The following TULP1 variants were observed in gnomAD, a reference collection of about 807,000 sequenced individuals.
TULP1 encodes the protein TUB like protein 1.
In TULP1, 50 loss-of-function variants were observed where a neutral mutation model predicts 67.1. That is an observed-to-expected ratio of 0.75 (90% CI 0.59 to 0.94). The LOEUF (loss-of-function observed/expected upper bound fraction) is 0.94. Among genes scored for constraint, TULP1 ranks in the 40% least tolerant of loss-of-function variants. TULP1 has a pLI of 0.00. For synonymous variants in TULP1, 297 were observed against 294.0 expected, an observed-to-expected ratio of 1.01 and a Z score of -0.11; for missense variants, 746 against 734.1, an observed-to-expected ratio of 1.02 and a Z score of -0.19.
rs766950334 is a variant in TULP1 at position 35,510,882 on chromosome 6, C to T, written c.478G>A (p.Ala160Thr). The change falls in exon 5 of 15, where the codon GCC (alanine) becomes ACC (threonine). Residue 160 changes from alanine (A) to threonine (T), a missense_variant. By Grantham distance (58) the Ala-to-Thr change is moderately conservative. This residue lies in a region of TULP1 where 359 missense variants were observed against 341.9 expected (regional missense o/e 1.05). Coordinates refer to ENST00000229771, the MANE Select transcript of TULP1 (RefSeq NM_003322.6). ...KSSADLKERR[A>T]KAQGPRGDLG... Reference sequence around the variant, plus strand: ...CCACCCCTTGGGCCCTGGGCCTTGGCCCTCCTCTCCTTCAGGTCTGCGGAG... The same window carrying T: ...CCACCCCTTGGGCCCTGGGCCTTGGTCCTCCTCTCCTTCAGGTCTGCGGAG... The T allele has an allele frequency of 3.7e-6, 6 of 1,613,854 alleles. No individual in the cohort carries two copies. In the African/African-American group the frequency reaches 5.3e-5, roughly 14 times the overall value.
rs1561812394 is a variant in TULP1 at position 35,500,121 on chromosome 6, T to C, written c.1355A>G (p.Asn452Ser). Reference sequence around the variant, plus strand: ...TTCTATGAGGCTCTCCAGCGTCTTGTTCTGCCAGCGCACCAGCAGGCCGTC... The same window carrying C: ...TTCTATGAGGCTCTCCAGCGTCTTGCTCTGCCAGCGCACCAGCAGGCCGTC... Reference protein sequence around the residue: ...ASDGLLVRWQNKTLESLIELH... With the variant: ...ASDGLLVRWQSKTLESLIELH... The change falls in exon 14 of 15, where the codon AAC becomes AGC. Residue 452 changes from asparagine (N) to serine (S), a missense_variant. Physicochemically the swap from Asn to Ser is conservative, Grantham distance 46 (BLOSUM62 1). Around this residue, in one of 3 missense-constraint regions of TULP1, gnomAD observed 383 missense variants for 374.1 expected, o/e 1.02. Coordinates refer to ENST00000229771, the MANE Select transcript of TULP1 (RefSeq NM_003322.6). 1 of 1,614,128 alleles carries C rather than the reference T, an allele frequency of 6.2e-7. No homozygotes were observed.
At chr6:35,512,111 C>T in intron 3 of TULP1, 69 bp downstream of exon 3, 5 of 1,029,120 alleles carry the variant, frequency 4.9e-6, no homozygotes, top group Admixed American at 7.1e-5. Flanking sequence ...ACACCCGCGC[C>T]GGCCCTCAAG....
chr6:35,498,574 T>A lies in TULP1; in HGVS notation c.1496-114A>T. On this transcript the variant is annotated intron_variant, in intron 14 of 14. Coordinates refer to ENST00000229771, the MANE Select transcript of TULP1 (RefSeq NM_003322.6). This position sits in a 1 kb window ranked among gnomAD's most constrained non-coding sequence, Gnocchi z 6.7. ...GTCCCTTGCCTTGGGGCTCCAACCC[T>A]CAGCCACCATCTCAGTTACTCAACA... 1 of 1,482,154 alleles carries A rather than the reference T, an allele frequency of 6.7e-7. No individual in the cohort carries two copies. The highest frequency in any genetic ancestry group is 1.2e-5 in the South Asian group (1 of 82,756). The allele number at this position is 1,482,154 out of a possible 1,614,324, so 91.8% of individuals were successfully genotyped here.
At chr6:35,499,846 T>G in intron 14 of TULP1, 135 bp downstream of exon 14, 1 of 1,102,722 alleles carries the variant, frequency 9.1e-7, no homozygotes, top group Non-Finnish European at 1.4e-6. Context: ...GAGGAGAGAG[T>G]GACCCTGTGG....
At chr6:35,511,843 C>T in intron 3 of TULP1, 37 bp from the exon 4 acceptor site, 2 of 1,492,632 alleles carry the variant, frequency 1.3e-6, no homozygotes, top group Non-Finnish European at 1.8e-6. Flanking sequence ...GGGTCCCATC[C>T]GCGGGTCCGC....
chr6:35,502,861 C>T lies in TULP1; in HGVS notation c.1323+698G>A, dbSNP rs1038875778. On this transcript the variant is annotated intron_variant, in intron 13 of 14. Transcript: ENST00000229771. Reference sequence around the variant, plus strand: ...TGCTCCATAATTTACTTATTTATCACGATTATTGTCTACTGTCACTCTCCT... The same window carrying T: ...TGCTCCATAATTTACTTATTTATCATGATTATTGTCTACTGTCACTCTCCT... Among the ~76,000 whole-genome samples, 3 of 152,094 alleles carry T rather than the reference C, an allele frequency of 2.0e-5. No homozygotes were observed. The East Asian group carries it at 5.8e-4, about 29-fold the overall frequency.
At chr6:35,511,529 A>G in intron 4 of TULP1, 119 bp downstream of exon 4, 2 of 1,475,866 alleles carry the variant, frequency 1.4e-6, no homozygotes, top group Non-Finnish European at 9.2e-7. Context: ...AAGGCCAGAA[A>G]AGTGGGGGCT....
intron 14 of TULP1, among the ~76,000 whole-genome samples, chr6:35,499,536 T>C (rs1768782414): frequency 6.6e-6 from 1 of 152,188 alleles, no homozygotes; most frequent in Non-Finnish European, 1.5e-5. Context: ...GTAAACACTG[T>C]GTAAGTTTTG....
At position 35,503,571 on chromosome 6, in the gene TULP1, G is replaced by A. The variant is rs1264118354; in HGVS notation, c.1311C>T (p.Ile437=). The change falls in exon 13 of 15, where the codon ATC becomes ATT. Residue 437 remains isoleucine, a synonymous_variant. Transcript: ENST00000229771. The surrounding 1 kb of genome is among the most constrained non-coding windows in gnomAD (Gnocchi z 4.0). The part of the protein sequence containing the change: ...GMSAENERVP[I]RPRNASDGLL... The stretch of plus-strand genomic sequence containing the variant: ...GTGCGGGGCTCACATTTCGGGGCCG[G>A]ATGGGGACCCTCTCGTTCTCCGCAC... The A allele has an allele frequency of 6.3e-7, 1 of 1,576,532 alleles. No individual in the cohort carries two copies. Among genetic ancestry groups the A allele is most frequent in the Non-Finnish European group, 8.6e-7 (1 of 1,161,180 alleles).
chr6:35,498,130 A>G lies in TULP1; in HGVS notation c.*197T>C. On this transcript the variant is annotated 3_prime_UTR_variant, in exon 15 of 15. Coordinates refer to ENST00000229771, the MANE Select transcript of TULP1 (RefSeq NM_003322.6). This position sits in a 1 kb window ranked among gnomAD's most constrained non-coding sequence, Gnocchi z 6.7. ...TCCAGATGTTCTTCATCTCCGTCCT[A>G]CCCGCCGTCCGGGCTCCTCCTGCCT... 1 of 857,018 alleles carries G rather than the reference A, an allele frequency of 1.2e-6. No individual in the cohort carries two copies. Among genetic ancestry groups the G allele is most frequent in the Non-Finnish European group, 1.8e-6 (1 of 570,020 alleles). The allele number at this position is 857,018 out of a possible 1,614,324, so 53.1% of individuals were successfully genotyped here.
chr6:35,510,015 C>T (rs1761165174), intron 5 of TULP1, 87 bp from the exon 6 acceptor site: 1 of 1,305,378 alleles, frequency 7.7e-7, no homozygotes, highest in Non-Finnish European at 1.1e-6. Flanking sequence ...GCCTATAGTC[C>T]CCAGGGAGGC....
intron 8 of TULP1, among the ~76,000 whole-genome samples, chr6:35,506,708 T>A (rs1463957611): frequency 6.6e-6 from 1 of 152,166 alleles, no homozygotes; most frequent in Non-Finnish European, 1.5e-5. Flanking sequence ...CCCCATTGTA[T>A]AGATGAAGAA....
intron 5 of TULP1, 131 bp from the exon 6 acceptor site, chr6:35,510,059 T>C: frequency 1.3e-6 from 1 of 783,756 alleles, no homozygotes; most frequent in Non-Finnish European, 2.0e-6. Flanking sequence ...GCCTGCCTTC[T>C]TTTTCTTTTT....
In TULP1 at chr6:35,511,806, G is replaced by A. The variant is rs1286215025; in HGVS notation, c.191C>T (p.Ala64Val). ...PTGSKPRKPG[A>V]GRTGRPREEP... Reference sequence around the variant, plus strand: ...CTCCCGCGGCCTCCCCGTCCGCCCAGCTGAGCCGAGATGCGGGGTTCAGAC... The same window carrying A: ...CTCCCGCGGCCTCCCCGTCCGCCCAACTGAGCCGAGATGCGGGGTTCAGAC... The change falls in exon 4 of 15, where the codon GCT (alanine) becomes GTT (valine). Residue 64 changes from alanine to valine, a missense_variant and splice_region_variant. Around this residue, in one of 3 missense-constraint regions of TULP1, gnomAD observed 359 missense variants for 341.9 expected, o/e 1.05. Coordinates refer to ENST00000229771, the MANE Select transcript of TULP1 (RefSeq NM_003322.6). 11 of 1,548,334 alleles carry A rather than the reference G, an allele frequency of 7.1e-6. No homozygotes were observed. The highest frequency in any genetic ancestry group is 9.6e-6 in the Non-Finnish European group (11 of 1,146,162).
In TULP1 at chr6:35,506,119, C is replaced by A; in HGVS notation, c.883G>T (p.Val295Leu). ...CGGCCCTGGGGGGCAGGCCGGAGCA[C>A]AAACTCCCGGGGTTCGTCCACCTCC... is the stretch of plus-strand genomic sequence containing the variant. ...PVEVDEPREF[V>L]LRPAPQGRTV... Residue 295 changes from valine to leucine, a missense_variant, in exon 10 of 15, where the codon GTG becomes TTG. This residue lies in a region of TULP1 where 383 missense variants were observed against 374.1 expected (regional missense o/e 1.02). Coordinates refer to ENST00000229771, the MANE Select transcript of TULP1 (RefSeq NM_003322.6). 1 of 1,613,694 alleles carries A rather than the reference C, an allele frequency of 6.2e-7. No homozygotes were observed. Among genetic ancestry groups the A allele is most frequent in the Non-Finnish European group, 8.5e-7 (1 of 1,180,000 alleles).
Position 35,499,466 on chromosome 6 carries a change from G to T in TULP1, c.1495+515C>A, listed in dbSNP as rs117327238. Among the ~76,000 whole-genome samples the T allele has an allele frequency of 2.0e-5, 3 of 152,186 alleles. No homozygotes were observed. The South Asian group carries it at 6.2e-4, about 32-fold the overall frequency. On this transcript the variant is annotated intron_variant, in intron 14 of 14. Transcript: ENST00000229771. ...TAATAATGGCACTCTTCACAGGGAC[G>T]TTGAAGGGATTTAATGATTCAGTTA...
At chr6:35,508,648 T>C (rs1217833425) in intron 8 of TULP1, among the ~76,000 whole-genome samples, 1 of 152,188 alleles carries the variant, frequency 6.6e-6, no homozygotes, top group Non-Finnish European at 1.5e-5. Context: ...ATATTCAAAA[T>C]ATTTAACAAC....
Position 35,511,692 on chromosome 6 carries a change from G to T in TULP1, c.305C>A (p.Pro102His). The part of the protein sequence containing the change: ...LRDPEAKKRD[P>H]RETFLVARAP... Reference sequence around the variant, plus strand: ...ACGGGCTACCAGAAAGGTTTCCCGGGGGTCGCGCTTCTTGGCCTCGGGGTC... The same window carrying T: ...ACGGGCTACCAGAAAGGTTTCCCGGTGGTCGCGCTTCTTGGCCTCGGGGTC... Residue 102 changes from proline (P) to histidine (H), a missense_variant, in exon 4 of 15, where the codon CCC (proline) becomes CAC (histidine). Pro to His is a moderately conservative substitution (Grantham distance 77). Transcript: ENST00000229771. 1 of 1,594,310 alleles carries T rather than the reference G, an allele frequency of 6.3e-7. No homozygotes were observed. Among genetic ancestry groups the T allele is most frequent in the East Asian group, 2.3e-5 (1 of 43,992 alleles).
Position 35,506,283 on chromosome 6 carries a change from T to C in TULP1, c.823-4A>G, listed in dbSNP as rs200264819. On this transcript the variant is annotated splice_region_variant and splice_polypyrimidine_tract_variant and intron_variant, in intron 8 of 14. Transcript: ENST00000229771. ...CGGCAGGACAACTCACCGCTTTCTG[T>C]GTGCGGAGAGAACAGAGAGGCTGGC... The C allele has an allele frequency of 3.3e-4, 520 of 1,574,742 alleles. No homozygotes were observed. Among genetic ancestry groups the C allele is most frequent in the Admixed American group, 7.5e-4 (40 of 53,158 alleles).
Sources: allele counts gnomAD v4.1 joint callset (sites outside exome capture counted in the v4.1 genomes callset), GRCh38; gene constraint gnomAD v4.1.1; regional missense constraint gnomAD v4.1.1; non-coding constraint Gnocchi (gnomAD v3.1); transcripts MANE v1.5; gene names NCBI Gene and HGNC (gene_info 2026-07-23, HGNC 2026-07-21).